The following TJP1 variants were observed in gnomAD, a reference collection of about 807,000 sequenced individuals.
TJP1 encodes tight junction protein 1, also known as tight junction protein ZO-1.
A neutral mutation model predicts 194.2 loss-of-function variants in TJP1; 43 were observed. That is an observed-to-expected ratio of 0.22 (90% CI 0.17 to 0.29). The LOEUF (loss-of-function observed/expected upper bound fraction) is 0.29, where lower values mean the gene tolerates loss of function less well. Ranked by LOEUF, TJP1 falls within the 10% of genes least tolerant of loss-of-function variation. TJP1 has a pLI of 1.00. For synonymous variants in TJP1, 801 were observed against 779.0 expected, an observed-to-expected ratio of 1.03 and a Z score of -0.47; for missense variants, 1,971 against 2,185.7, an observed-to-expected ratio of 0.90 and a Z score of 1.96.
chr15:29,824,018 G>A (rs2050583351), upstream of TJP1: 2 of 140,840 alleles, frequency 1.4e-5, no homozygotes, highest in Non-Finnish European at 3.0e-5. Flanking sequence ...AGGAGGCGGA[G>A]GTTGCAGTGA....
At chr15:29,818,931 C>T (rs2050132547) in intron 1 of TJP1, among the ~76,000 whole-genome samples, 1 of 151,966 alleles carries the variant, frequency 6.6e-6, no homozygotes, top group Admixed American at 6.6e-5. Context: ...AATTCTCCTT[C>T]CTTAGCTTCC....
chr15:29,887,912 A>G (rs1336778904), intron 2 of TJP1, among the ~76,000 whole-genome samples: 1 of 152,022 alleles, frequency 6.6e-6, no homozygotes. Flanking sequence ...CTGGAGCCTT[A>G]AATATATTTG....
At chr15:29,968,270 C>T (rs1427986112) in intron 1 of TJP1, 1 of 984,974 alleles carries the variant, frequency 1.0e-6, no homozygotes, top group Admixed American at 6.1e-5. Flanking sequence ...CACCGTGATA[C>T]CAATGAATTC....
At chr15:29,855,156 T>C (rs553581830) in intron 2 of TJP1, among the ~76,000 whole-genome samples, 15 of 152,296 alleles carry the variant, frequency 9.8e-5, no homozygotes, top group African/African-American at 3.4e-4. Context: ...TAACCAACCT[T>C]GCATGGACCT....
rs1414105524 is a variant in TJP1, at chr15:29,720,405, G to A, written c.2716C>T (p.Pro906Ser). 2 of 1,611,414 alleles carry A rather than the reference G, an allele frequency of 1.2e-6. No individual in the cohort carries two copies. The highest frequency in any genetic ancestry group is 1.7e-6 in the Non-Finnish European group (2 of 1,178,710). The change falls in exon 19 of 28, where the codon CCA (proline) becomes TCA (serine). Residue 906 changes from proline (P) to serine (S), a missense_variant. By Grantham distance (74) the Pro-to-Ser change is moderately conservative. This residue lies in a region of TJP1 where 1,108 missense variants were observed against 1,128.5 expected (regional missense o/e 0.98). Transcript: ENST00000614355. ...PPYSPQAQPQPIHRIDSPGFK... is the reference protein window; with the variant it reads ...PPYSPQAQPQSIHRIDSPGFK... Reference sequence around the variant, plus strand: ...CCAGGGGAGTCTATTCTATGAATTGGTTGTGGCTGCGCTTGTGGTGAGTAA... The same window carrying A: ...CCAGGGGAGTCTATTCTATGAATTGATTGTGGCTGCGCTTGTGGTGAGTAA...
At chr15:29,957,545 TTAATA>T (rs2055993823) in intron 1 of TJP1, among the ~76,000 whole-genome samples, 1 of 152,242 alleles carries the variant, frequency 6.6e-6, no homozygotes, top group African/African-American at 2.4e-5. Flanking sequence ...CATTTTTCAC[TTAATA>T]TATCTTAACG....
intron 2 of TJP1, among the ~76,000 whole-genome samples, chr15:29,855,969 T>C (rs1787685290): frequency 6.6e-6 from 1 of 152,104 alleles, no homozygotes. Flanking sequence ...AGGAACAACA[T>C]ACAGCTGCAC....
chr15:29,817,373 C>T (rs2151981320), intron 1 of TJP1, among the ~76,000 whole-genome samples: 1 of 152,310 alleles, frequency 6.6e-6, no homozygotes, highest in Middle Eastern at 3.4e-3. Flanking sequence ...AACGCTTTTA[C>T]ACTGTTGGTG....
In TJP1 at chr15:29,766,411, G is replaced by A. The variant is rs1314204064; in HGVS notation, c.444C>T (p.Asn148=). 1.2e-6 allele frequency: 2 copies of A among 1,613,976 alleles called. No homozygotes were observed. The highest frequency in any genetic ancestry group is 1.7e-6 in the Non-Finnish European group (2 of 1,180,034). Residue 148 remains asparagine (N), a synonymous_variant, in exon 5 of 28, where the codon AAC becomes AAT. Coordinates refer to ENST00000614355, the MANE Select transcript of TJP1 (RefSeq NM_001330239.4). ...TCGGCCAAATCTTCTCACTCCTTCT[G>A]TTAACCACACCACTCCGGCCACTTC... ...DPRSGRSGVV[N]RRSEKIWPRD...
At chr15:29,721,323 C>G (rs950415039) in intron 18 of TJP1, among the ~76,000 whole-genome samples, 5 of 152,132 alleles carry the variant, frequency 3.3e-5, no homozygotes, top group African/African-American at 9.7e-5. Context: ...CTCCCTCACA[C>G]AGTCTTGTGA....
rs975758147 is a variant in TJP1, at chr15:29,746,153, C to T, written c.1011-3372G>A. 3.3e-5 allele frequency among the ~76,000 whole-genome samples: 5 copies of T among 151,946 alleles called. No homozygotes were observed. In the South Asian group the frequency reaches 8.3e-4, roughly 25 times the overall value. ...CAGCACTTTGGGAGGCTGAGGCGGG[C>T]GGATCACAAGGTCAGAAGATCGAGA... On this transcript the variant is annotated intron_variant, in intron 8 of 27. Transcript: ENST00000614355.
chr15:29,862,900 G>A (rs974798192), intron 2 of TJP1, among the ~76,000 whole-genome samples: 7 of 150,778 alleles, frequency 4.6e-5, no homozygotes, highest in Non-Finnish European at 7.4e-5. Context: ...CGCCCGCCTC[G>A]GCCTCCCAAA....
chr15:29,782,603 C>T (rs992823575), intron 2 of TJP1, among the ~76,000 whole-genome samples: 2 of 152,242 alleles, frequency 1.3e-5, no homozygotes, highest in Admixed American at 1.3e-4. Flanking sequence ...TGGAAGACAA[C>T]TCAGGCAATA....
chr15:29,909,871 A>G (rs2152222056), intron 2 of TJP1, among the ~76,000 whole-genome samples: 1 of 152,268 alleles, frequency 6.6e-6, no homozygotes, highest in East Asian at 1.9e-4. Context: ...CATGGAACCC[A>G]TCCATCAGTT....
chr15:29,833,875 A>ATTTTTTTTTTTT lies in TJP1; in HGVS notation c.307-33174_307-33173insAAAAAAAAAAAA, dbSNP rs1175518448. Among the ~76,000 whole-genome samples the ATTTTTTTTTTTT allele has an allele frequency of 3.0e-4, 5 of 16,554 alleles. 1 individual carries two copies. The highest frequency in any genetic ancestry group is 0.015 in the East Asian group (2 of 136). 10.9% of individuals were successfully genotyped at this position (16,554 alleles called of 152,430 possible). ...TTTGTAAGTATATATATATATATAT[A>ATTTTTTTTTTTT]TATATATTTTTTTTTTTTTTTTTTT... On this transcript the variant is annotated intron_variant, in intron 2 of 28. Transcript: ENST00000356107.
At chr15:29,723,611 C>T (rs1284945170) in intron 18 of TJP1, among the ~76,000 whole-genome samples, 1 of 152,194 alleles carries the variant, frequency 6.6e-6, no homozygotes, top group Middle Eastern at 3.2e-3. Context: ...GCCCTTAAAG[C>T]TGTTATGAAA....
At chr15:29,717,787 T>C (rs754180649) in intron 22 of TJP1, among the ~76,000 whole-genome samples, 2 of 152,212 alleles carry the variant, frequency 1.3e-5, no homozygotes, top group Non-Finnish European at 2.9e-5. Context: ...GCTTGGAGAA[T>C]ATCTTTCCGA....
intron 2 of TJP1, among the ~76,000 whole-genome samples, chr15:29,788,692 T>C (rs2047867460): frequency 6.6e-6 from 1 of 152,248 alleles, no homozygotes; most frequent in Non-Finnish European, 1.5e-5. Context: ...TATACTCATC[T>C]TTTAATACTT....
intron 8 of TJP1, among the ~76,000 whole-genome samples, chr15:29,760,530 C>T (rs969565350): frequency 6.6e-6 from 1 of 152,120 alleles, no homozygotes; most frequent in South Asian, 2.1e-4. Flanking sequence ...CATGTGCCAA[C>T]ACTACCTGGC....
Sources: gnomAD v4.1 joint callset for allele counts (sites outside exome capture counted in the v4.1 genomes callset) on GRCh38, gnomAD v4.1.1 for gene constraint, gnomAD v4.1.1 regional missense constraint, MANE v1.5 for transcripts, NCBI Gene and HGNC (gene_info 2026-07-23, HGNC 2026-07-21) for gene names.